Variants in COL21A1 observed in about 807,000 individuals in gnomAD.
COL21A1 encodes collagen type XXI alpha 1 chain, also known as collagen alpha-1(XXI) chain.
Under a neutral mutation model 137.9 loss-of-function variants are expected in COL21A1, and 149 were observed. The observed-to-expected ratio is 1.08, with a 90% CI of 0.95 to 1.24. COL21A1 has a LOEUF of 1.24. Ranked by LOEUF, COL21A1 falls within the 50% of genes most tolerant of loss-of-function variation. The pLI, the probability that COL21A1 is intolerant of heterozygous loss-of-function variation, is 0.00. For synonymous variants in COL21A1, 456 were observed against 391.5 expected (o/e 1.16, Z -1.95); for missense variants, 1,167 against 1,158.4 (o/e 1.01, Z -0.11).
At chr6:56,295,657 A>C (rs1764147747) in intron 1 of COL21A1, among the ~76,000 whole-genome samples, 1 of 152,016 alleles carries the variant, frequency 6.6e-6, no homozygotes, top group Non-Finnish European at 1.5e-5. Context: ...TTTTGGACAT[A>C]TTCTGTAAAA....
At position 56,278,971 on chromosome 6, in the gene COL21A1, A is replaced by T. The variant is rs1311650456; in HGVS notation, c.-38-96315T>A. On this transcript the variant is annotated intron_variant, in intron 1 of 28. Transcript: ENST00000370819. The stretch of plus-strand genomic sequence containing the variant: ...GTAGAATGAGGCTGAGATAGATTCA[A>T]TGGCTTGTGATATGTTTGGATCTGT... 2.0e-5 allele frequency among the ~76,000 whole-genome samples: 3 copies of T among 152,284 alleles called. No homozygotes were observed. The South Asian group carries it at 6.2e-4, about 32-fold the overall frequency.
Position 56,060,014 on chromosome 6 carries a change from A to C in COL21A1, c.2608+4T>G, listed in dbSNP as rs757684352. On this transcript the variant is annotated splice_donor_region_variant and intron_variant, in intron 28 of 29. Transcript: ENST00000244728. ...TCATTTTCTTGTTGAAACTAACTGC[A>C]TACCTTTTAATCCTCTGACACCTGG... The C allele has an allele frequency of 6.3e-7, 1 of 1,587,790 alleles. No homozygotes were observed.
chr6:56,116,297 C>T (rs914600777), intron 16 of COL21A1, among the ~76,000 whole-genome samples: 1 of 146,532 alleles, frequency 6.8e-6, no homozygotes, highest in Non-Finnish European at 1.5e-5. Flanking sequence ...AAATAACATA[C>T]AATGGAGCTC....
At chr6:56,088,700 C>T (rs932483323) in intron 17 of COL21A1, among the ~76,000 whole-genome samples, 1 of 152,094 alleles carries the variant, frequency 6.6e-6, no homozygotes, top group Non-Finnish European at 1.5e-5. Context: ...TCCAAAATCA[C>T]TAGTGGCACT....
intron 1 of COL21A1, among the ~76,000 whole-genome samples, chr6:56,329,766 C>T (rs563992302): frequency 8.5e-5 from 13 of 152,126 alleles, no homozygotes; most frequent in African/African-American, 3.1e-4. Flanking sequence ...CATGTAGTCT[C>T]CAATTTCTGA....
intron 1 of COL21A1, among the ~76,000 whole-genome samples, chr6:56,241,797 T>C (rs1243028918): frequency 3.3e-5 from 5 of 152,246 alleles, no homozygotes; most frequent in Non-Finnish European, 7.3e-5. Context: ...TGATACATCA[T>C]GCTATGCTTG....
At chr6:56,234,399 A>G (rs2152320081) in intron 1 of COL21A1, among the ~76,000 whole-genome samples, 1 of 151,984 alleles carries the variant, frequency 6.6e-6, no homozygotes, top group East Asian at 1.9e-4. Context: ...TCATATTTAT[A>G]TAAGATGCAC....
At chr6:56,198,931 T>C (rs896763189) in intron 1 of COL21A1, among the ~76,000 whole-genome samples, 1 of 152,170 alleles carries the variant, frequency 6.6e-6, no homozygotes, top group Non-Finnish European at 1.5e-5. Flanking sequence ...ATGAGTTTTC[T>C]TTTTTATTAA....
intron 1 of COL21A1, among the ~76,000 whole-genome samples, chr6:56,325,540 A>ATATC (rs1562057043): frequency 1.2e-4 from 1 of 8,240 alleles, no homozygotes; most frequent in Non-Finnish European, 2.8e-4. Context: ...ATATATAAAT[A>ATATC]TATAATACAT....
At chr6:56,220,791 A>G (rs57341486) in intron 1 of COL21A1, among the ~76,000 whole-genome samples, 2,420 of 152,246 alleles carry the variant, frequency 0.016, 61 homozygotes, top group African/African-American at 0.054. Context: ...GCAATTACAC[A>G]TATTATTTTA....
chr6:56,088,184 T>C (rs1284848096), intron 17 of COL21A1, among the ~76,000 whole-genome samples: 6 of 152,150 alleles, frequency 3.9e-5, no homozygotes, highest in African/African-American at 1.4e-4. Flanking sequence ...GCCAACATGG[T>C]GAAACCCCGT....
intron 1 of COL21A1, among the ~76,000 whole-genome samples, chr6:56,292,004 G>A (rs1764057894): frequency 1.3e-5 from 2 of 151,928 alleles, no homozygotes; most frequent in Admixed American, 1.3e-4. Flanking sequence ...CCCTGTCTCT[G>A]CTAAAAACAC....
At chr6:56,141,293 T>C (rs1289192710) in intron 12 of COL21A1, among the ~76,000 whole-genome samples, 1 of 152,244 alleles carries the variant, frequency 6.6e-6, no homozygotes, top group South Asian at 2.1e-4. Flanking sequence ...TTCAACAACA[T>C]GAATGAACCT....
chr6:56,066,614 T>A (rs762169525), intron 23 of COL21A1, among the ~76,000 whole-genome samples: 1 of 151,816 alleles, frequency 6.6e-6, no homozygotes, highest in Non-Finnish European at 1.5e-5. Context: ...ACATCAGATA[T>A]AATTTATCCC....
chr6:56,179,082 CACA>C (rs1777702537), intron 3 of COL21A1, among the ~76,000 whole-genome samples: 1 of 151,504 alleles, frequency 6.6e-6, no homozygotes, highest in Admixed American at 6.6e-5. Context: ...AAATTGTATA[CACA>C]AGAGTATATC....
intron 1 of COL21A1, among the ~76,000 whole-genome samples, chr6:56,389,542 C>T (rs747498188): frequency 1.3e-5 from 2 of 152,010 alleles, no homozygotes; most frequent in Non-Finnish European, 2.9e-5. Context: ...AACACATAAC[C>T]CTCTAGATTT....
chr6:56,156,249 A>G (rs1222721497), intron 10 of COL21A1, among the ~76,000 whole-genome samples: 1 of 152,212 alleles, frequency 6.6e-6, no homozygotes, highest in Non-Finnish European at 1.5e-5. Flanking sequence ...TAAGATAACT[A>G]AAAGCTGACT....
intron 1 of COL21A1, among the ~76,000 whole-genome samples, chr6:56,283,991 C>T (rs1763846258): frequency 6.6e-6 from 1 of 151,996 alleles, no homozygotes; most frequent in African/African-American, 2.4e-5. Context: ...AGGTGATTTC[C>T]TCAATTAATA....
In COL21A1 at chr6:56,144,603, A is replaced by G. The variant is rs146597759; in HGVS notation, c.1435-2620T>C. Among the ~76,000 whole-genome samples the G allele has an allele frequency of 1.2e-4, 18 of 152,358 alleles. No homozygotes were observed. The East Asian group carries it at 2.5e-3, about 21-fold the overall frequency. On this transcript the variant is annotated intron_variant, in intron 10 of 29. Transcript: ENST00000244728. Reference sequence around the variant, plus strand: ...TAGGAAAATTAATCTTTCATAAAAGATCAAATGCTGCTGTGCTGTCTCTCC... The same window carrying G: ...TAGGAAAATTAATCTTTCATAAAAGGTCAAATGCTGCTGTGCTGTCTCTCC...
Sources: allele counts gnomAD v4.1 joint callset (sites outside exome capture counted in the v4.1 genomes callset), GRCh38; gene constraint gnomAD v4.1.1; transcripts MANE v1.5; gene names NCBI Gene and HGNC (gene_info 2026-07-23, HGNC 2026-07-21).